Variants in ACAD11 observed in about 807,000 individuals in gnomAD.
The protein encoded by ACAD11 is acyl-Coenzyme A dehydrogenase family, member 11.
A neutral mutation model predicts 102.2 loss-of-function variants in ACAD11; 83 were observed. That is an observed-to-expected ratio of 0.81 (90% CI 0.68 to 0.97). The LOEUF (loss-of-function observed/expected upper bound fraction) is 0.97. Among genes scored for constraint, ACAD11 ranks in the 50% least tolerant of loss-of-function variants. The probability of loss-of-function intolerance (pLI) is 0.00; values close to 1 mark genes in which losing one functional copy is unlikely to be tolerated. For missense variants in ACAD11, 901 were observed against 951.7 expected, an observed-to-expected ratio of 0.95 and a Z score of 0.70; for synonymous variants, 324 against 319.8, an observed-to-expected ratio of 1.01 and a Z score of -0.14.
chr3:132,645,128 C>T (rs1412013685), intron 1 of ACAD11, among the ~76,000 whole-genome samples: 1 of 152,104 alleles, frequency 6.6e-6, no homozygotes, highest in African/African-American at 2.4e-5. Flanking sequence ...AAGAGAGGAC[C>T]CCACTTCCTG....
chr3:132,579,267 T>C lies in ACAD11; in HGVS notation c.1688+225A>G. On this transcript the variant is annotated intron_variant, in intron 14 of 19. Coordinates refer to ENST00000264990, the MANE Select transcript of ACAD11 (RefSeq NM_032169.5). ...GCTTTGATAATTTAGCAACACTTTCTAATACTGAAAATTCCACAGCGAAGA... is the reference window on the plus strand; with the variant it reads ...GCTTTGATAATTTAGCAACACTTTCCAATACTGAAAATTCCACAGCGAAGA... 4 of 627,146 alleles carry C rather than the reference T, an allele frequency of 6.4e-6. No individual in the cohort carries two copies. In the South Asian group the frequency reaches 9.0e-5, roughly 14 times the overall value. The allele number at this position is 627,146 out of a possible 1,614,324, so 38.8% of individuals were successfully genotyped here.
chr3:132,561,061 G>A (rs767254671), intron 18 of ACAD11, 40 bp downstream of exon 18: 2 of 1,472,536 alleles, frequency 1.4e-6, no homozygotes, highest in Admixed American at 3.4e-5. Flanking sequence ...ACTGGAGAAG[G>A]CTCAGCAGTT....
intron 1 of ACAD11, 122 bp downstream of exon 1, chr3:132,659,481 G>C: frequency 7.1e-7 from 1 of 1,399,786 alleles, no homozygotes; most frequent in Non-Finnish European, 9.7e-7. Context: ...TGTAGGGTGC[G>C]TCCACTGACT....
At chr3:132,568,749 G>C in intron 17 of ACAD11, among the ~76,000 whole-genome samples, 1 of 133,596 alleles carries the variant, frequency 7.5e-6, no homozygotes, top group Non-Finnish European at 1.5e-5. Context: ...ATTCAATGGA[G>C]GAAACATAGC....
intron 4 of ACAD11, among the ~76,000 whole-genome samples, chr3:132,640,001 C>T (rs375633557): frequency 6.7e-6 from 1 of 149,318 alleles, no homozygotes; most frequent in Non-Finnish European, 1.5e-5. Flanking sequence ...CTCTCTCTCA[C>T]ACACACACAC....
intron 10 of ACAD11, chr3:132,619,027 G>A (rs913752673): frequency 8.2e-6 from 3 of 366,704 alleles, no homozygotes; most frequent in African/African-American, 2.1e-5. Context: ...TTTGCTACTT[G>A]AGAACTTCTT....
chr3:132,624,166 T>C (rs2107855374), intron 9 of ACAD11, among the ~76,000 whole-genome samples: 1 of 151,258 alleles, frequency 6.6e-6, no homozygotes. Flanking sequence ...TTTAGCCCGG[T>C]ATGGTGGCAT....
intron 13 of ACAD11, among the ~76,000 whole-genome samples, chr3:132,598,254 C>T (rs1938403145): frequency 6.6e-6 from 1 of 152,164 alleles, no homozygotes; most frequent in Admixed American, 6.5e-5. Context: ...TTTATACATT[C>T]CAAAACTTAC....
At chr3:132,648,562 G>A (rs370945530) in intron 1 of ACAD11, 11 of 151,274 alleles carry the variant, frequency 7.3e-5, no homozygotes, top group African/African-American at 2.4e-4. Flanking sequence ...AAAAAAAAAA[G>A]CATAGGCCCT....
chr3:132,633,559 G>C (rs1940140442), intron 5 of ACAD11, among the ~76,000 whole-genome samples: 1 of 152,110 alleles, frequency 6.6e-6, no homozygotes, highest in African/African-American at 2.4e-5. Context: ...TCTCTGCCAG[G>C]CTTTGGTATC....
At chr3:132,651,065 G>T (rs1249948269) in intron 1 of ACAD11, among the ~76,000 whole-genome samples, 1 of 152,078 alleles carries the variant, frequency 6.6e-6, no homozygotes, top group African/African-American at 2.4e-5. Context: ...ATTCCATGAG[G>T]ATCCTGTTTC....
intron 17 of ACAD11, among the ~76,000 whole-genome samples, chr3:132,575,010 G>GT (rs112599628): frequency 0.03 from 4,569 of 149,950 alleles, 222 homozygotes; most frequent in African/African-American, 0.1. Flanking sequence ...AATTTTTTTT[G>GT]TTTTTTTTTG....
At chr3:132,610,212 G>T (rs750236603) in intron 11 of ACAD11, among the ~76,000 whole-genome samples, 43 of 152,032 alleles carry the variant, frequency 2.8e-4, no homozygotes, top group Non-Finnish European at 4.6e-4. Flanking sequence ...TTGAAACTGG[G>T]ACACATTCAA....
chr3:132,567,201 A>T (rs939963989), intron 17 of ACAD11, among the ~76,000 whole-genome samples: 44 of 152,204 alleles, frequency 2.9e-4, no homozygotes, highest in African/African-American at 1.1e-3. Context: ...CTGGTCTCAA[A>T]CTCCTGACCT....
At chr3:132,591,929 T>C (rs886424949) in intron 13 of ACAD11, among the ~76,000 whole-genome samples, 1 of 152,098 alleles carries the variant, frequency 6.6e-6, no homozygotes, top group Non-Finnish European at 1.5e-5. Flanking sequence ...GCCACAGCCT[T>C]ATATAAATGC....
chr3:132,644,934 G>T, intron 1 of ACAD11, 38 bp from the exon 2 acceptor site: 1 of 1,298,582 alleles, frequency 7.7e-7, no homozygotes, highest in Non-Finnish European at 1.1e-6. Context: ...CAATTACAAA[G>T]ATATGTTTTC....
In ACAD11 at chr3:132,561,183, A is replaced by G. The variant is rs1015669449; in HGVS notation, c.2036T>C (p.Ile679Thr). ...VVAHWIAESR[I>T]AIEKIRLLTL... ...CAACAAGCGGATCTTCTCAATGGCA[A>G]TGCGGCTTTCAGCAATCCAGTGAGC... The change falls in exon 18 of 20, where the codon ATT (isoleucine) becomes ACT (threonine). Residue 679 changes from isoleucine to threonine, a missense_variant. Physicochemically the swap from Ile to Thr is moderately conservative, Grantham distance 89. Transcript: ENST00000264990. The G allele has an allele frequency of 5.0e-6, 8 of 1,613,318 alleles. No homozygotes were observed. The Admixed American group carries it at 1.0e-4, about 20-fold the overall frequency.
At chr3:132,568,100 C>A (rs1430267744) in intron 17 of ACAD11, among the ~76,000 whole-genome samples, 3 of 152,026 alleles carry the variant, frequency 2.0e-5, no homozygotes, top group South Asian at 4.1e-4. Context: ...TGGTGGCAGG[C>A]ACCTGAATCC....
chr3:132,559,488 G>C (rs1299733781), intron 19 of ACAD11, among the ~76,000 whole-genome samples: 4 of 152,014 alleles, frequency 2.6e-5, no homozygotes, highest in Non-Finnish European at 5.9e-5. Flanking sequence ...TGGACAGATG[G>C]GGAATGGAGA....
Sources: gnomAD v4.1 joint callset for allele counts (sites outside exome capture counted in the v4.1 genomes callset) on GRCh38, gnomAD v4.1.1 for gene constraint, MANE v1.5 for transcripts, NCBI Gene and HGNC (gene_info 2026-07-23, HGNC 2026-07-21) for gene names.